The following MACROD2 variants were observed in gnomAD, a reference collection of about 807,000 sequenced individuals.
MACROD2 encodes the protein ADP-ribose glycohydrolase MACROD2.
In MACROD2, 36 loss-of-function variants were observed where a neutral mutation model predicts 70.4. The observed-to-expected ratio is 0.51, with a 90% CI of 0.39 to 0.68. MACROD2 has a LOEUF of 0.68. Among genes scored for constraint, MACROD2 ranks in the 30% least tolerant of loss-of-function variants. The pLI, the probability that MACROD2 is intolerant of heterozygous loss-of-function variation, is 0.00. For synonymous variants in MACROD2, 172 were observed against 178.8 expected, an observed-to-expected ratio of 0.96 and a Z score of 0.30; for missense variants, 496 against 538.4, an observed-to-expected ratio of 0.92 and a Z score of 0.78.
At position 15,380,418 on chromosome 20, in the gene MACROD2, A is replaced by T. The variant is rs6034168; in HGVS notation, c.541-50987A>T. On this transcript the variant is annotated intron_variant, in intron 6 of 17. Coordinates refer to ENST00000684519, the MANE Select transcript of MACROD2 (RefSeq NM_001351661.2). ...AAAAATGAAGATTAGGAAATAACTT[A>T]GGGAAAGTTTTTTTTTTTTCAGGTA... 2.0e-4 allele frequency among the ~76,000 whole-genome samples: 28 copies of T among 137,248 alleles called. 1 individual carries two copies. Among genetic ancestry groups the T allele is most frequent in the African/African-American group, 8.4e-4 (28 of 33,302 alleles). The allele number at this position is 137,248 out of a possible 152,430, so 90.0% of individuals were successfully genotyped here. A position where few individuals can be genotyped will look rare whatever the true frequency, so the allele number is the denominator to read the frequency against.
intron 4 of MACROD2, among the ~76,000 whole-genome samples, chr20:14,662,060 T>G (rs1421533082): frequency 6.6e-6 from 1 of 152,126 alleles, no homozygotes; most frequent in Non-Finnish European, 1.5e-5. Context: ...TTGGATTGGA[T>G]TCTGGTTCAG....
chr20:15,871,259 C>A (rs565925308), intron 9 of MACROD2, among the ~76,000 whole-genome samples: 1 of 151,576 alleles, frequency 6.6e-6, no homozygotes. Context: ...GGGCACAAAA[C>A]TTTAAAATTT....
chr20:15,777,510 TTTCCTTCCTTCCTTCCTTCCTTCC>T (rs746262814), intron 8 of MACROD2, among the ~76,000 whole-genome samples: 5,702 of 83,100 alleles, frequency 0.069, 206 homozygotes, highest in Admixed American at 0.089. Context: ...TCCTTCCTTC[TTTCCTTCCTTCCTTCCTTCCTTCC>T]TTCCTTCCTT....
chr20:15,891,785 G>A (rs1027974362), intron 10 of MACROD2, among the ~76,000 whole-genome samples: 1 of 152,156 alleles, frequency 6.6e-6, no homozygotes, highest in African/African-American at 2.4e-5. Flanking sequence ...TAAACATCAA[G>A]TATATGATTC....
intron 10 of MACROD2, among the ~76,000 whole-genome samples, chr20:15,925,199 G>A (rs1323025563): frequency 6.6e-6 from 1 of 152,180 alleles, no homozygotes; most frequent in Non-Finnish European, 1.5e-5. Context: ...AACCTCAGTT[G>A]TACCATGAAG....
At chr20:15,927,760 A>G (rs2065512643) in intron 10 of MACROD2, among the ~76,000 whole-genome samples, 1 of 152,216 alleles carries the variant, frequency 6.6e-6, no homozygotes, top group Non-Finnish European at 1.5e-5. Flanking sequence ...GTAAGCTATT[A>G]AAATAGATCA....
chr20:15,616,733 A>T (rs1364027295), intron 8 of MACROD2, among the ~76,000 whole-genome samples: 2 of 152,098 alleles, frequency 1.3e-5, no homozygotes, highest in African/African-American at 4.8e-5. Flanking sequence ...GTGCTAGTAA[A>T]ACTCTTCTTC....
chr20:14,936,336 G>A (rs1305012560), intron 5 of MACROD2, among the ~76,000 whole-genome samples: 1 of 152,116 alleles, frequency 6.6e-6, no homozygotes, highest in African/African-American at 2.4e-5. Context: ...ATACAGTGAG[G>A]TCATTTCAGA....
intron 5 of MACROD2, among the ~76,000 whole-genome samples, chr20:14,921,771 T>C (rs1426161715): frequency 2.6e-5 from 4 of 152,196 alleles, no homozygotes; most frequent in Admixed American, 1.3e-4. Flanking sequence ...AGAATGCCAA[T>C]AGGTCTAGCA....
At chr20:15,622,799 C>T (rs1053120437) in intron 8 of MACROD2, among the ~76,000 whole-genome samples, 9 of 152,114 alleles carry the variant, frequency 5.9e-5, no homozygotes, top group East Asian at 1.9e-4. Context: ...ACTTTTCTTA[C>T]GGTGTATTGT....
intron 3 of MACROD2, among the ~76,000 whole-genome samples, chr20:14,250,905 G>T (rs2082007141): frequency 6.6e-6 from 1 of 152,084 alleles, no homozygotes; most frequent in South Asian, 2.1e-4. Flanking sequence ...GCTATTTAAA[G>T]ATTTTTTTTT....
At chr20:15,603,448 C>T (rs2048850969) in intron 8 of MACROD2, among the ~76,000 whole-genome samples, 1 of 146,434 alleles carries the variant, frequency 6.8e-6, no homozygotes, top group African/African-American at 2.5e-5. Context: ...GTGGAGGCTG[C>T]AGTGAGCCAA....
At chr20:15,876,115 G>GTA (rs58389023) in intron 9 of MACROD2, among the ~76,000 whole-genome samples, 2,822 of 138,878 alleles carry the variant, frequency 0.02, 226 homozygotes, top group South Asian at 0.088. Context: ...ATATATATGT[G>GTA]TGTATTTTTT....
intron 3 of MACROD2, among the ~76,000 whole-genome samples, chr20:14,457,338 T>C (rs1054846704): frequency 2.7e-4 from 41 of 151,538 alleles, no homozygotes; most frequent in African/African-American, 9.7e-4. Flanking sequence ...GTTACTTTTA[T>C]ATGCAAGATT....
At chr20:15,208,618 G>A (rs1019781559) in intron 5 of MACROD2, among the ~76,000 whole-genome samples, 1 of 152,182 alleles carries the variant, frequency 6.6e-6, no homozygotes, top group Non-Finnish European at 1.5e-5. Flanking sequence ...AGGGGTGAAG[G>A]TCCAGTTCCT....
At chr20:14,796,902 A>G (rs1568801066) in intron 5 of MACROD2, among the ~76,000 whole-genome samples, 1 of 152,052 alleles carries the variant, frequency 6.6e-6, no homozygotes. Flanking sequence ...CTCAAGTTAC[A>G]TATAGACCAC....
intron 4 of MACROD2, among the ~76,000 whole-genome samples, chr20:14,606,932 A>G (rs1253161825): frequency 1.3e-5 from 2 of 152,208 alleles, no homozygotes; most frequent in African/African-American, 2.4e-5. Context: ...GAAGAAATGG[A>G]TGAGTGCACA....
intron 3 of MACROD2, among the ~76,000 whole-genome samples, chr20:14,288,481 C>A (rs1432077167): frequency 1.3e-5 from 2 of 152,158 alleles, no homozygotes; most frequent in Non-Finnish European, 2.9e-5. Context: ...CTCCTTTAGA[C>A]CCTCCTCTGC....
chr20:15,094,134 A>G (rs540467452), intron 5 of MACROD2, among the ~76,000 whole-genome samples: 4 of 152,296 alleles, frequency 2.6e-5, no homozygotes, highest in African/African-American at 9.6e-5. Flanking sequence ...CTTCCTTTAG[A>G]CTTTAACTTT....
Sources: gnomAD v4.1 joint callset for allele counts (sites outside exome capture counted in the v4.1 genomes callset) on GRCh38, gnomAD v4.1.1 for gene constraint, MANE v1.5 for transcripts, NCBI Gene and HGNC (gene_info 2026-07-23, HGNC 2026-07-21) for gene names.